Variants in ACSF3 observed in about 807,000 individuals in gnomAD.
ACSF3 encodes acyl-CoA synthetase family member 3.
In ACSF3, 78 loss-of-function variants were observed where a neutral mutation model predicts 53.2. The ratio of observed to expected loss-of-function variants is 1.47; its 90% CI spans 1.22 to 1.77. The LOEUF (loss-of-function observed/expected upper bound fraction) is 1.77, where lower values mean the gene tolerates loss of function less well. ACSF3 is among the 40% of genes most tolerant of loss of function. The probability of loss-of-function intolerance (pLI) is 0.00; values close to 1 mark genes in which losing one functional copy is unlikely to be tolerated. For missense variants in ACSF3, 937 were observed against 771.1 expected (o/e 1.22, Z -2.55); for synonymous variants, 414 against 333.1 (o/e 1.24, Z -2.65).
At position 89,112,124 on chromosome 16, in the gene ACSF3, G is replaced by A. The variant is rs780294227; in HGVS notation, c.855G>A (p.Pro285=). ...VWEKFLSSET[P]RINVFMAVPT... The stretch of plus-strand genomic sequence containing the variant: ...AAAAGTTCTTAAGTTCTGAAACGCC[G>A]CGGATCAATGTCTTTATGGCAGTGC... Residue 285 remains proline (P), a synonymous_variant, in exon 5 of 11, where the codon CCG becomes CCA. Transcript: ENST00000614302. 2.5e-5 allele frequency: 28 copies of A among 1,100,542 alleles called. No individual in the cohort carries two copies. The African/African-American group carries it at 3.7e-4, about 14-fold the overall frequency. The allele number at this position is 1,100,542 out of a possible 1,614,324, so 68.2% of individuals were successfully genotyped here.
chr16:89,145,897 T>C, intron 9 of ACSF3, 41 bp from the exon 10 acceptor site: 1 of 1,552,606 alleles, frequency 6.4e-7, no homozygotes, highest in Non-Finnish European at 8.9e-7. Flanking sequence ...TAAGGGTCAC[T>C]GAGGCATCCC....
intron 6 of ACSF3, among the ~76,000 whole-genome samples, chr16:89,116,696 AAGT>A (rs1905175632): frequency 6.6e-6 from 1 of 152,112 alleles, no homozygotes; most frequent in Non-Finnish European, 1.5e-5. Context: ...TTGTGAAAAG[AAGT>A]CAGTGTGAGT....
intron 4 of ACSF3, among the ~76,000 whole-genome samples, chr16:89,106,033 GTC>G (rs1002227148): frequency 5.3e-5 from 8 of 152,206 alleles, no homozygotes; most frequent in African/African-American, 1.9e-4. Context: ...CTGCTGCGGC[GTC>G]TCTGCCCAGG....
intron 7 of ACSF3, among the ~76,000 whole-genome samples, chr16:89,121,351 C>T (rs963052167): frequency 6.6e-6 from 1 of 152,158 alleles, no homozygotes; most frequent in African/African-American, 2.4e-5. Flanking sequence ...GACCACAGGC[C>T]CCCATAGTAG....
At chr16:89,146,311 C>T (rs912219083) in intron 10 of ACSF3, among the ~76,000 whole-genome samples, 9 of 152,164 alleles carry the variant, frequency 5.9e-5, no homozygotes, top group Non-Finnish European at 1.2e-4. Context: ...GGGCCCTGTA[C>T]GGCCTGTGGT....
At chr16:89,111,013 C>A (rs1024746642) in intron 4 of ACSF3, among the ~76,000 whole-genome samples, 11 of 152,196 alleles carry the variant, frequency 7.2e-5, no homozygotes, top group Non-Finnish European at 1.3e-4. Context: ...CATTTTGGAT[C>A]TTGTGTTTTT....
chr16:89,100,380 C>T (rs1975131117), intron 2 of ACSF3, among the ~76,000 whole-genome samples: 1 of 152,200 alleles, frequency 6.6e-6, no homozygotes, highest in Non-Finnish European at 1.5e-5. Context: ...ATATGCTTCT[C>T]CTTGGTTTTA....
chr16:89,108,266 G>A (rs756993886), intron 4 of ACSF3, among the ~76,000 whole-genome samples: 3 of 152,016 alleles, frequency 2.0e-5, no homozygotes, highest in African/African-American at 7.2e-5. Context: ...TTCCCCACAT[G>A]TCTCCTCTTC....
chr16:89,123,256 G>A lies in ACSF3; in HGVS notation c.1239+2343G>A, dbSNP rs552797309. On this transcript the variant is annotated intron_variant, in intron 7 of 10. Coordinates refer to ENST00000614302, the MANE Select transcript of ACSF3 (RefSeq NM_001243279.3). ...ACACCTGAGATTCAGGGCTCCCAGA[G>A]GGGTGGGTGGGCGCCCCAGGACAAC... Among the ~76,000 whole-genome samples, 166 of 152,294 alleles carry A rather than the reference G, an allele frequency of 1.1e-3. 1 individual carries two copies. The highest frequency in any genetic ancestry group is 3.7e-3 in the African/African-American group (154 of 41,566).
At chr16:89,102,911 C>T (rs142104728) in intron 4 of ACSF3, 152 bp downstream of exon 4, 2 of 1,107,504 alleles carry the variant, frequency 1.8e-6, no homozygotes, top group Non-Finnish European at 2.6e-6. Context: ...GCATCTTTTC[C>T]TGGTGTGCAG....
chr16:89,155,125 T>C lies in ACSF3; in HGVS notation c.*918T>C, dbSNP rs912537226. The C allele has an allele frequency of 4.2e-5, 19 of 454,032 alleles. No individual in the cohort carries two copies. The highest frequency in any genetic ancestry group is 1.2e-4 in the Admixed American group (5 of 42,550). The allele number at this position is 454,032 out of a possible 1,614,324, so 28.1% of individuals were successfully genotyped here. The stretch of plus-strand genomic sequence containing the variant: ...TGGGTGCACCCACGTTGCATTTACT[T>C]AGCGGGGCCAATTCAGATGCACAGG... On this transcript the variant is annotated 3_prime_UTR_variant, in exon 11 of 11. Transcript: ENST00000614302.
At chr16:89,107,220 G>C (rs934534582) in intron 4 of ACSF3, among the ~76,000 whole-genome samples, 3 of 152,238 alleles carry the variant, frequency 2.0e-5, no homozygotes, top group Admixed American at 1.3e-4. Flanking sequence ...GGAGGAAGAA[G>C]GTCACCCTCG....
At chr16:89,141,717 C>A (rs531598299) in intron 8 of ACSF3, among the ~76,000 whole-genome samples, 26 of 152,302 alleles carry the variant, frequency 1.7e-4, no homozygotes, top group South Asian at 8.3e-4. Flanking sequence ...GATTCTGACA[C>A]TGGAGTGGGG....
At chr16:89,127,528 A>AT (rs915853999) in intron 7 of ACSF3, among the ~76,000 whole-genome samples, 5 of 151,894 alleles carry the variant, frequency 3.3e-5, no homozygotes, top group African/African-American at 1.2e-4. Context: ...TGCCCAGCTA[A>AT]TTTTTTATTT....
rs866593630 is a variant in ACSF3 at position 89,145,117 on chromosome 16, G to A, written c.1367-150G>A. 1.6e-4 allele frequency: 255 copies of A among 1,591,854 alleles called. 1 individual carries two copies. In the African/African-American group the frequency reaches 2.7e-3, roughly 17 times the overall value. ...GCTTACCTGGCATAGCTGTTTCTCC[G>A]TTGGGGTTGCCACAGGGTAGTAACC... On this transcript the variant is annotated intron_variant, in intron 8 of 10. Coordinates refer to ENST00000614302, the MANE Select transcript of ACSF3 (RefSeq NM_001243279.3).
At chr16:89,100,272 C>A (rs896998589) in intron 2 of ACSF3, among the ~76,000 whole-genome samples, 1 of 152,272 alleles carries the variant, frequency 6.6e-6, no homozygotes. Context: ...GGGGGCTGTG[C>A]TGAGCTCTTC....
In ACSF3 at chr16:89,100,785, C is replaced by A; in HGVS notation, c.104C>A (p.Ala35Asp). Residue 35 changes from alanine to aspartate, a missense_variant, in exon 3 of 11, where the codon GCC becomes GAC. Coordinates refer to ENST00000614302, the MANE Select transcript of ACSF3 (RefSeq NM_001243279.3). Reference sequence around the variant, plus strand: ...AGAGGAAGTGGTCTTCTGCACACAGCCCCAGTGGCCCGCTCGGACAGGAGC... The same window carrying A: ...AGAGGAAGTGGTCTTCTGCACACAGACCCAGTGGCCCGCTCGGACAGGAGC... ...RHRGSGLLHTAPVARSDRSAP... is the reference protein window; with the variant it reads ...RHRGSGLLHTDPVARSDRSAP... 6.2e-7 allele frequency: 1 copy of A among 1,611,356 alleles called. No homozygotes were observed. Among genetic ancestry groups the A allele is most frequent in the South Asian group, 1.1e-5 (1 of 91,074 alleles).
chr16:89,155,540 A>C lies in ACSF3; in HGVS notation c.*1333A>C, dbSNP rs889699253. 2.2e-6 allele frequency: 1 copy of C among 453,590 alleles called. No individual in the cohort carries two copies. Among genetic ancestry groups the C allele is most frequent in the Non-Finnish European group, 4.4e-6 (1 of 226,644 alleles). The allele number at this position is 453,590 out of a possible 1,614,324, so 28.1% of individuals were successfully genotyped here. A position where few individuals can be genotyped will look rare whatever the true frequency, so the allele number is the denominator to read the frequency against. ...CAGTCCACGGCCCTGCCCCACCCGA[A>C]CTCCTGCCTCACGGTGTGGCCTTGT... On this transcript the variant is annotated 3_prime_UTR_variant, in exon 11 of 11. Transcript: ENST00000614302.
chr16:89,118,899 T>C (rs1905882651), intron 6 of ACSF3, among the ~76,000 whole-genome samples: 3 of 152,236 alleles, frequency 2.0e-5, no homozygotes, highest in African/African-American at 7.2e-5. Flanking sequence ...CCCATCTACA[T>C]TGGCCTTTGC....
Sources: gnomAD v4.1 joint callset for allele counts (sites outside exome capture counted in the v4.1 genomes callset) on GRCh38, gnomAD v4.1.1 for gene constraint, MANE v1.5 for transcripts, NCBI Gene and HGNC (gene_info 2026-07-23, HGNC 2026-07-21) for gene names.